Variants in HSD17B4 observed in about 807,000 individuals in gnomAD.
HSD17B4 encodes hydroxysteroid 17-beta dehydrogenase 4.
HSD17B4 carries 70 observed loss-of-function variants against 101.0 expected under a neutral mutation model. That is an observed-to-expected ratio of 0.69 (90% CI 0.57 to 0.85). The LOEUF (loss-of-function observed/expected upper bound fraction) is 0.85. Among genes scored for constraint, HSD17B4 ranks in the 40% least tolerant of loss-of-function variants. The pLI is 0.00. For missense variants in HSD17B4, 984 were observed against 892.4 expected (o/e 1.10, Z -1.31); for synonymous variants, 347 against 297.1 (o/e 1.17, Z -1.73).
chr5:119,495,408 T>C (rs186122027), intron 11 of HSD17B4, among the ~76,000 whole-genome samples: 293 of 152,320 alleles, frequency 1.9e-3, no homozygotes, highest in African/African-American at 6.5e-3. Context: ...AGAATTGACT[T>C]TCCAGAGCAT....
intron 2 of HSD17B4, among the ~76,000 whole-genome samples, chr5:119,462,699 G>A (rs1380926383): frequency 6.6e-6 from 1 of 152,084 alleles, no homozygotes; most frequent in East Asian, 1.9e-4. Flanking sequence ...TTTTCAGCAT[G>A]TACCAATGAT....
At chr5:119,506,733 T>A (rs1751685127) in intron 14 of HSD17B4, 85 bp from the exon 15 acceptor site, 1 of 762,434 alleles carries the variant, frequency 1.3e-6, no homozygotes, top group Non-Finnish European at 2.3e-6. Flanking sequence ...GAGCTTACAG[T>A]GGAAATGCTA....
chr5:119,452,667 G>C (rs760678971), intron 1 of HSD17B4, 34 bp downstream of exon 1: 10 of 1,613,012 alleles, frequency 6.2e-6, no homozygotes, highest in Non-Finnish European at 7.6e-6. Context: ...CGCGCCCCTT[G>C]CTGAGGCGCA....
At position 119,478,938 on chromosome 5, in the gene HSD17B4, T is replaced by C. The variant is rs1272060835; in HGVS notation, c.539T>C (p.Ile180Thr). The change falls in exon 8 of 24, where the codon ATT (isoleucine) becomes ACT (threonine). Residue 180 changes from isoleucine to threonine, a missense_variant. Physicochemically the swap from Ile to Thr is moderately conservative, Grantham distance 89 (BLOSUM62 -1). Coordinates refer to ENST00000510025, the MANE Select transcript of HSD17B4 (RefSeq NM_000414.4). ...GLLGLANSLA[I>T]EGRKSNIHCN... ...CTGGGCCTTGCAAATTCTCTTGCAA[T>C]TGAAGGCAGGAAAAGCAACATTCAT... 1 of 1,613,664 alleles carries C rather than the reference T, an allele frequency of 6.2e-7. No individual in the cohort carries two copies. Among genetic ancestry groups the C allele is most frequent in the Non-Finnish European group, 8.5e-7 (1 of 1,179,694 alleles).
chr5:119,463,259 A>T (rs993587512), intron 2 of HSD17B4, among the ~76,000 whole-genome samples: 1 of 152,144 alleles, frequency 6.6e-6, no homozygotes, highest in Non-Finnish European at 1.5e-5. Flanking sequence ...GCATCTGTTG[A>T]TGAACGCTTA....
chr5:119,478,810 T>C, intron 7 of HSD17B4, 24 bp from the exon 8 acceptor site: 4 of 1,589,148 alleles, frequency 2.5e-6, no homozygotes, highest in African/African-American at 1.3e-5. Context: ...AAAGATGATA[T>C]TGAGAGATTG....
At chr5:119,537,408 T>C (rs909421795) in intron 23 of HSD17B4, among the ~76,000 whole-genome samples, 9 of 152,262 alleles carry the variant, frequency 5.9e-5, no homozygotes, top group African/African-American at 1.9e-4. Context: ...CAAGGCTTAT[T>C]ATAAGAACTA....
intron 7 of HSD17B4, 148 bp from the exon 8 acceptor site, chr5:119,478,685 AT>A: frequency 1.7e-6 from 1 of 582,478 alleles, no homozygotes; most frequent in Non-Finnish European, 3.0e-6. Flanking sequence ...TATTAATATT[AT>A]TTTAGTTACA....
chr5:119,536,857 G>A (rs1754585285), intron 23 of HSD17B4, among the ~76,000 whole-genome samples: 1 of 152,012 alleles, frequency 6.6e-6, no homozygotes, highest in Non-Finnish European at 1.5e-5. Context: ...CAATAAATAA[G>A]ATTAAGAAAT....
At chr5:119,539,238 A>G (rs1187538677) in intron 23 of HSD17B4, among the ~76,000 whole-genome samples, 1 of 152,206 alleles carries the variant, frequency 6.6e-6, no homozygotes, top group Non-Finnish European at 1.5e-5. Flanking sequence ...CATACACACC[A>G]TAGAATACTA....
intron 8 of HSD17B4, among the ~76,000 whole-genome samples, chr5:119,482,162 C>G (rs575055909): frequency 6.4e-4 from 98 of 151,982 alleles, no homozygotes; most frequent in Admixed American, 1.0e-3. Flanking sequence ...TGTAATTGTC[C>G]CACAGTTCTT....
At chr5:119,462,685 A>G (rs1396178217) in intron 2 of HSD17B4, among the ~76,000 whole-genome samples, 2 of 152,250 alleles carry the variant, frequency 1.3e-5, no homozygotes, top group East Asian at 3.9e-4. Flanking sequence ...TTCTATATCT[A>G]AGCTTTTCAG....
intron 17 of HSD17B4, among the ~76,000 whole-genome samples, chr5:119,516,420 G>C (rs751978518): frequency 6.6e-6 from 1 of 151,922 alleles, no homozygotes; most frequent in South Asian, 2.1e-4. Flanking sequence ...GAATTTCTAC[G>C]CACAGTAAGT....
intron 20 of HSD17B4, among the ~76,000 whole-genome samples, chr5:119,529,116 TATG>T (rs1753841513): frequency 1.3e-5 from 2 of 152,168 alleles, no homozygotes; most frequent in South Asian, 4.1e-4. Flanking sequence ...TCCTCCAAAA[TATG>T]ATGAGATGTA....
chr5:119,478,130 T>C (rs1580559750), intron 7 of HSD17B4: 2 of 157,260 alleles, frequency 1.3e-5, no homozygotes, highest in Admixed American at 6.1e-5. Context: ...TGCTGGCTGG[T>C]GCTAGTCAGA....
At chr5:119,488,453 A>T (rs1252751075) in intron 8 of HSD17B4, among the ~76,000 whole-genome samples, 3 of 152,174 alleles carry the variant, frequency 2.0e-5, no homozygotes, top group African/African-American at 7.2e-5. Flanking sequence ...ACTATAATTT[A>T]TTGTGTATTT....
At chr5:119,462,719 T>C (rs1159826943) in intron 2 of HSD17B4, among the ~76,000 whole-genome samples, 1 of 152,206 alleles carries the variant, frequency 6.6e-6, no homozygotes, top group African/African-American at 2.4e-5. Flanking sequence ...TTTTCTTTTC[T>C]TATTATTTTT....
chr5:119,500,890 C>G (rs573831642), intron 13 of HSD17B4, among the ~76,000 whole-genome samples: 2 of 152,204 alleles, frequency 1.3e-5, no homozygotes, highest in South Asian at 4.1e-4. Context: ...GAGTAAGATT[C>G]AGGTTATGAG....
chr5:119,526,121 A>C (rs1422878473), intron 19 of HSD17B4, 98 bp downstream of exon 19: 1 of 766,654 alleles, frequency 1.3e-6, no homozygotes, highest in African/African-American at 1.7e-5. Context: ...TAGATATTGT[A>C]CTACAGCAAT....
Sources: allele counts gnomAD v4.1 joint callset (sites outside exome capture counted in the v4.1 genomes callset), GRCh38; gene constraint gnomAD v4.1.1; transcripts MANE v1.5; gene names NCBI Gene and HGNC (gene_info 2026-07-23, HGNC 2026-07-21).